MED17: variants seen among roughly 807,000 people sequenced by gnomAD.
The protein encoded by MED17 is mediator of RNA polymerase II transcription subunit 17.
In MED17, 49 loss-of-function variants were observed where a neutral mutation model predicts 80.8. The observed-to-expected ratio is 0.61, with a 90% confidence interval of 0.48 to 0.77. MED17 has a LOEUF of 0.77. Among genes scored for constraint, MED17 ranks in the 30% least tolerant of loss-of-function variants. The probability of loss-of-function intolerance (pLI) is 0.00; values close to 1 mark genes in which losing one functional copy is unlikely to be tolerated. For missense variants in MED17, 718 were observed against 787.0 expected, an observed-to-expected ratio of 0.91 and a Z score of 1.05; for synonymous variants, 281 against 280.4, an observed-to-expected ratio of 1.00 and a Z score of -0.02.
At chr11:93,796,317 T>C in intron 6 of MED17, 93 bp from the exon 7 acceptor site, 3 of 1,185,240 alleles carry the variant, frequency 2.5e-6, no homozygotes, top group South Asian at 2.5e-5. Flanking sequence ...ATATATCTTT[T>C]GAAAATGAAC....
At chr11:93,796,685 C>G (rs550175599) in intron 7 of MED17, 145 bp downstream of exon 7, 1 of 976,858 alleles carries the variant, frequency 1.0e-6, no homozygotes, top group African/African-American at 1.6e-5. Flanking sequence ...TTGCTGTGTG[C>G]TAGGGGAATA....
At chr11:93,789,044 C>T (rs544451236) in intron 2 of MED17, 13 of 152,152 alleles carry the variant, frequency 8.5e-5, no homozygotes, top group African/African-American at 2.9e-4. Flanking sequence ...AGAGAAGTAG[C>T]AGGAAGATGA....
rs774781719 is a variant in MED17 at position 93,794,992 on chromosome 11, C to T, written c.944C>T (p.Ala315Val). 2 of 1,614,142 alleles carry T rather than the reference C, an allele frequency of 1.2e-6. No individual in the cohort carries two copies. Among genetic ancestry groups the T allele is most frequent in the Non-Finnish European group, 8.5e-7 (1 of 1,179,998 alleles). Residue 315 changes from alanine (A) to valine (V), a missense_variant, in exon 6 of 12, where the codon GCT becomes GTT. By Grantham distance (64) the Ala-to-Val change is moderately conservative. Transcript: ENST00000251871. Reference sequence around the variant, plus strand: ...ATTTTTGCACAGCTCTCTCGGGAAGCTGTTCAAATTAAATCACAAGTCCCT... The same window carrying T: ...ATTTTTGCACAGCTCTCTCGGGAAGTTGTTCAAATTAAATCACAAGTCCCT... Reference protein sequence around the residue: ...KEIFAQLSREAVQIKSQVPHI... With the variant: ...KEIFAQLSREVVQIKSQVPHI...
intron 9 of MED17, among the ~76,000 whole-genome samples, chr11:93,804,001 A>G (rs921821116): frequency 0.02 from 139 of 7,084 alleles, no homozygotes; most frequent in African/African-American, 0.024. Context: ...ATGTGTGTGT[A>G]TATATATATA....
At chr11:93,794,770 A>C in intron 5 of MED17, 138 bp from the exon 6 acceptor site, 2 of 924,982 alleles carry the variant, frequency 2.2e-6, no homozygotes, top group South Asian at 3.2e-5. Flanking sequence ...GTCTCTATAG[A>C]GACTGAATAG....
chr11:93,784,394 C>A lies in MED17; in HGVS notation c.-120C>A, dbSNP rs1943744787. ...GCGTTGCGTTCGGTTTCCCGAGGGT[C>A]TTCTGAGGCACCGCGGCTGCGGGCT... On this transcript the variant is annotated 5_prime_UTR_variant, in exon 1 of 12. Coordinates refer to ENST00000251871, the MANE Select transcript of MED17 (RefSeq NM_004268.5). The A allele has an allele frequency of 8.7e-5, 116 of 1,330,638 alleles. 5 individuals are homozygous for A. In the South Asian group the frequency reaches 1.7e-3, roughly 19 times the overall value. 82.4% of individuals were successfully genotyped at this position (1,330,638 alleles called of 1,614,324 possible).
chr11:93,809,462 A>G (rs1292238720), intron 10 of MED17: 1 of 526,074 alleles, frequency 1.9e-6, no homozygotes, highest in East Asian at 3.5e-5. Flanking sequence ...AGTTGGCCAA[A>G]TTTATGTCAT....
Position 93,811,916 on chromosome 11 carries a change from A to C in MED17, c.1808A>C (p.Asp603Ala). The change falls in exon 12 of 12, where the codon GAC (aspartate) becomes GCC (alanine). Residue 603 changes from aspartate to alanine, a missense_variant. Physicochemically the swap from Asp to Ala is moderately radical, Grantham distance 126. Transcript: ENST00000251871. ...CAGTTTCCTCGTAACCAATGTAAAG[A>C]CCTTCCAAAAAGTGATGTTTTACAA... ...MVQFPRNQCK[D>A]LPKSDVLQDN... The C allele has an allele frequency of 6.2e-7, 1 of 1,614,078 alleles. No homozygotes were observed. Among genetic ancestry groups the C allele is most frequent in the Non-Finnish European group, 8.5e-7 (1 of 1,180,006 alleles).
intron 9 of MED17, among the ~76,000 whole-genome samples, chr11:93,803,045 C>G (rs1315037387): frequency 6.6e-6 from 1 of 152,112 alleles, no homozygotes; most frequent in African/African-American, 2.4e-5. Flanking sequence ...TCTCACAATG[C>G]TGTTGTCCAG....
chr11:93,801,515 T>G, intron 8 of MED17: 1 of 333,544 alleles, frequency 3.0e-6, no homozygotes. Flanking sequence ...ATATCGAATA[T>G]CCTTCTCACT....
At chr11:93,811,183 G>C (rs1479771837) in intron 11 of MED17, 1 of 152,158 alleles carries the variant, frequency 6.6e-6, no homozygotes, top group Non-Finnish European at 1.5e-5. Flanking sequence ...TGATTGCTAG[G>C]AATTTCAAAA....
At position 93,812,445 on chromosome 11, in the gene MED17, C is replaced by A; in HGVS notation, c.*381C>A. ...TTTTTCCCCCCAAATACTTTCTAAACTTTTTTTTTTTGAGATGGTATCTCA... is the reference window on the plus strand; with the variant it reads ...TTTTTCCCCCCAAATACTTTCTAAAATTTTTTTTTTTGAGATGGTATCTCA... On this transcript the variant is annotated 3_prime_UTR_variant, in exon 12 of 12. Transcript: ENST00000251871. The A allele has an allele frequency of 2.8e-6, 1 of 352,382 alleles. No individual in the cohort carries two copies. The highest frequency in any genetic ancestry group is 5.0e-6 in the Non-Finnish European group (1 of 198,582). 21.8% of individuals were successfully genotyped at this position (352,382 alleles called of 1,614,324 possible). A position where few individuals can be genotyped will look rare whatever the true frequency, so the allele number is the denominator to read the frequency against.
chr11:93,802,105 G>T, intron 9 of MED17, 133 bp downstream of exon 9: 1 of 842,656 alleles, frequency 1.2e-6, no homozygotes, highest in South Asian at 1.7e-5. Flanking sequence ...ATAAGCTGTA[G>T]AGTGTTTTTT....
chr11:93,804,614 C>T (rs1944005192), intron 9 of MED17, among the ~76,000 whole-genome samples: 1 of 152,096 alleles, frequency 6.6e-6, no homozygotes, highest in Non-Finnish European at 1.5e-5. Context: ...TTTTTTTTTA[C>T]ATATGCATGT....
At chr11:93,785,691 A>G (rs1046107795) in intron 1 of MED17, among the ~76,000 whole-genome samples, 2 of 152,192 alleles carry the variant, frequency 1.3e-5, no homozygotes, top group African/African-American at 4.8e-5. Flanking sequence ...TTATTCTGGG[A>G]GTCGGATAGA....
At chr11:93,801,500 G>GGTTA in intron 8 of MED17, 1 of 315,132 alleles carries the variant, frequency 3.2e-6, no homozygotes, top group South Asian at 3.1e-5. Context: ...GGTTTATACC[G>GGTTA]TAGAATATCG....
intron 7 of MED17, 41 bp downstream of exon 7, chr11:93,796,581 G>A (rs772725868): frequency 3.7e-6 from 6 of 1,609,462 alleles, no homozygotes; most frequent in Non-Finnish European, 4.2e-6. Flanking sequence ...TGGTGAGTAT[G>A]TCCAGGGCAG....
At chr11:93,809,200 AGCAGCC>A in intron 10 of MED17, 2 of 227,196 alleles carry the variant, frequency 8.8e-6, no homozygotes, top group South Asian at 6.9e-5. Flanking sequence ...TGAGAAGCCT[AGCAGCC>A]AGTCAAGAGA....
At chr11:93,810,716 T>C (rs1944077356) in intron 11 of MED17, 1 of 152,258 alleles carries the variant, frequency 6.6e-6, no homozygotes, top group Non-Finnish European at 1.5e-5. Context: ...ATTAAGCACC[T>C]TCTACGAGTG....
Sources: gnomAD v4.1 joint callset for allele counts (sites outside exome capture counted in the v4.1 genomes callset) on GRCh38, gnomAD v4.1.1 for gene constraint, MANE v1.5 for transcripts, NCBI Gene and HGNC (gene_info 2026-07-23, HGNC 2026-07-21) for gene names.